Variants in DCAF8L2 observed in about 807,000 individuals in gnomAD.
DCAF8L2 encodes DDB1 and CUL4 associated factor 8 like 2, also known as DDB1- and CUL4-associated factor 8-like protein 2.
For missense variants in DCAF8L2, 430 were observed against 490.7 expected (o/e 0.88, Z 1.17); for synonymous variants, 200 against 190.9 (o/e 1.05, Z -0.39).
At chrX:27,494,440 G>A in the DCAF8L2 span, among the ~76,000 whole-genome samples, 1 of 111,273 alleles carries the variant, frequency 9.0e-6, no homozygotes, top group African/African-American at 3.3e-5. Flanking sequence ...TAAAAAAAAA[G>A]ACTCTTGCTA....
chrX:27,566,803 G>C, the DCAF8L2 span, among the ~76,000 whole-genome samples: 1 of 109,989 alleles, frequency 9.1e-6, no homozygotes. Context: ...GTTCCTTGAG[G>C]TATAAAGTTA....
At chrX:27,578,380 C>G in the DCAF8L2 span, among the ~76,000 whole-genome samples, 1 of 111,477 alleles carries the variant, frequency 9.0e-6, no homozygotes, top group Admixed American at 9.5e-5. Flanking sequence ...GAAACTGGAC[C>G]CCTTCCTTAT....
chrX:27,724,847 C>A (rs1266813632), intron 4 of DCAF8L2, among the ~76,000 whole-genome samples: 3 of 110,196 alleles, frequency 2.7e-5, no homozygotes, highest in Non-Finnish European at 5.7e-5. Context: ...AGCCATCTCA[C>A]ATATACTTTA....
At chrX:27,576,779 C>T in the DCAF8L2 span, among the ~76,000 whole-genome samples, 1 of 111,984 alleles carries the variant, frequency 8.9e-6, no homozygotes, top group Non-Finnish European at 1.9e-5. Context: ...ATTAAAAATA[C>T]ATTAAGCTTA....
At chrX:27,722,644 C>T (rs778973806) in intron 4 of DCAF8L2, among the ~76,000 whole-genome samples, 2 of 109,814 alleles carry the variant, frequency 1.8e-5, no homozygotes, top group Non-Finnish European at 3.8e-5. Context: ...TGAGGATTGT[C>T]TGTGTGTGTG....
the DCAF8L2 span, among the ~76,000 whole-genome samples, chrX:27,495,237 G>C: frequency 7.2e-5 from 8 of 111,738 alleles, no homozygotes; most frequent in African/African-American, 2.6e-4. Context: ...ATGTATTTAT[G>C]CACTCTGTAT....
At chrX:27,586,983 T>A (rs944373495), upstream of DCAF8L2, among the ~76,000 whole-genome samples, 11 of 111,446 alleles carry the variant, frequency 9.9e-5, 1 homozygote, top group African/African-American at 3.6e-4. Context: ...TTTCAAGATT[T>A]TTTTTTATTT....
At chrX:27,549,051 T>C in the DCAF8L2 span, among the ~76,000 whole-genome samples, 4 of 112,133 alleles carry the variant, frequency 3.6e-5, no homozygotes, top group Non-Finnish European at 7.5e-5. Context: ...ATAGAAAGTG[T>C]TCTTAATTCT....
the DCAF8L2 span, among the ~76,000 whole-genome samples, chrX:27,522,877 A>G: frequency 2.3e-4 from 26 of 111,863 alleles, no homozygotes; most frequent in African/African-American, 7.8e-4. Flanking sequence ...CAATGATGAA[A>G]TAGGGAGCAG....
chrX:27,743,470 T>TC (rs1192129630), intron 4 of DCAF8L2, among the ~76,000 whole-genome samples: 4 of 110,068 alleles, frequency 3.6e-5, no homozygotes, highest in Non-Finnish European at 3.8e-5. Context: ...CGACCTCAGC[T>TC]CACTGCAACC....
At chrX:27,503,208 G>A in the DCAF8L2 span, among the ~76,000 whole-genome samples, 3 of 110,901 alleles carry the variant, frequency 2.7e-5, no homozygotes, top group Admixed American at 1.9e-4. Context: ...AATAGTCCTA[G>A]TCAGAAATAT....
At chrX:27,519,484 T>G in the DCAF8L2 span, 1 of 1,042,475 alleles carries the variant, frequency 9.6e-7, no homozygotes, top group Admixed American at 2.2e-5. Context: ...AGCTACTGAG[T>G]TGCAACACAA....
chrX:27,535,551 G>A, the DCAF8L2 span, among the ~76,000 whole-genome samples: 3 of 111,267 alleles, frequency 2.7e-5, no homozygotes, highest in Admixed American at 9.6e-5. Context: ...CTTCACAGCT[G>A]TTTACAGCCT....
chrX:27,515,549 G>GAAAC, the DCAF8L2 span, among the ~76,000 whole-genome samples: 4 of 111,503 alleles, frequency 3.6e-5, no homozygotes, highest in Non-Finnish European at 7.5e-5. Context: ...CAGTCTCAAA[G>GAAAC]AAACAAACAA....
the DCAF8L2 span, among the ~76,000 whole-genome samples, chrX:27,543,821 G>A: frequency 5.7e-3 from 636 of 111,329 alleles, 1 homozygote; most frequent in African/African-American, 0.015. Flanking sequence ...GGCAAGAGAT[G>A]GTCAGAGAAA....
intron 1 of DCAF8L2, among the ~76,000 whole-genome samples, chrX:27,606,035 TG>T (rs1321043149): frequency 1.9e-5 from 2 of 104,353 alleles, no homozygotes; most frequent in Admixed American, 1.1e-4. Context: ...TGAAGAAGAG[TG>T]GGTGTGGGCT....
intron 3 of DCAF8L2, among the ~76,000 whole-genome samples, chrX:27,694,281 C>A (rs770506419): frequency 9.0e-6 from 1 of 111,263 alleles, no homozygotes; most frequent in South Asian, 3.8e-4. Flanking sequence ...ATAGTATCAT[C>A]CATACCTCAA....
chrX:27,551,288 A>T, the DCAF8L2 span, among the ~76,000 whole-genome samples: 1 of 110,393 alleles, frequency 9.1e-6, no homozygotes, highest in African/African-American at 3.3e-5. Context: ...TTCAGCAACC[A>T]CCACGCTGAT....
the DCAF8L2 span, among the ~76,000 whole-genome samples, chrX:27,577,844 G>A: frequency 2.7e-5 from 3 of 111,527 alleles, no homozygotes; most frequent in Admixed American, 9.6e-5. Flanking sequence ...GCTAACAAGG[G>A]AAGCAAAGGA....
Sources: gnomAD v4.1 joint callset for allele counts (sites outside exome capture counted in the v4.1 genomes callset) on GRCh38, gnomAD v4.1.1 for gene constraint, MANE v1.5 for transcripts, NCBI Gene and HGNC (gene_info 2026-07-23, HGNC 2026-07-21) for gene names.